Variants in FAM3D observed in about 807,000 individuals in gnomAD.
The protein encoded by FAM3D is FAM3 metabolism regulating signaling molecule D, also known as protein FAM3D.
In FAM3D, 26 loss-of-function variants were observed where a neutral mutation model predicts 29.8. The observed-to-expected ratio is 0.87, with a 90% confidence interval of 0.64 to 1.21. FAM3D has a LOEUF of 1.21. Among genes scored for constraint, FAM3D ranks in the 50% most tolerant of loss-of-function variants. The pLI, the probability that FAM3D is intolerant of heterozygous loss-of-function variation, is 0.00. For synonymous variants in FAM3D, 115 were observed against 102.3 expected (o/e 1.12, Z -0.75); for missense variants, 253 against 290.9 (o/e 0.87, Z 0.95).
chr3:58,654,680 C>T (rs2066738836), intron 2 of FAM3D, among the ~76,000 whole-genome samples: 1 of 152,112 alleles, frequency 6.6e-6, no homozygotes. Flanking sequence ...CCTCTGACCT[C>T]CCTGTTGGCA....
chr3:58,641,047 G>C (rs1022500896), intron 6 of FAM3D, among the ~76,000 whole-genome samples: 1 of 152,184 alleles, frequency 6.6e-6, no homozygotes, highest in South Asian at 2.1e-4. Flanking sequence ...TGTTGGGGGT[G>C]GGGGTGGCGG....
chr3:58,636,390 AG>A lies in FAM3D; in HGVS notation c.488del (p.Ser163LeufsTer20). The A allele has an allele frequency of 6.2e-7, 1 of 1,614,214 alleles. No homozygotes were observed. Among genetic ancestry groups the A allele is most frequent in the Non-Finnish European group, 8.5e-7 (1 of 1,180,032 alleles). On this transcript the variant is annotated frameshift_variant, in exon 9 of 10. Transcript: ENST00000358781. LOFTEE classifies it high-confidence loss of function. ...KMNDESRKLF[S>X]DLGSSYAKQL... ...GTTTTGCGTAGGAACTCCCCAAGTC[AG>A]AGAAGAGTTTCCTGCTTTCATCGTT...
chr3:58,645,988 C>G (rs1435153398), intron 4 of FAM3D, among the ~76,000 whole-genome samples: 1 of 152,202 alleles, frequency 6.6e-6, no homozygotes, highest in Non-Finnish European at 1.5e-5. Context: ...TCTGAGTCCC[C>G]AGAGGCCCCT....
At chr3:58,650,320 T>G (rs1221115636) in intron 3 of FAM3D, among the ~76,000 whole-genome samples, 2 of 152,172 alleles carry the variant, frequency 1.3e-5, no homozygotes, top group Non-Finnish European at 2.9e-5. Context: ...AGACCCAAGC[T>G]GGGTCAATCA....
chr3:58,666,279 C>G (rs373137133), intron 1 of FAM3D, among the ~76,000 whole-genome samples: 14 of 152,294 alleles, frequency 9.2e-5, no homozygotes, highest in African/African-American at 2.9e-4. Flanking sequence ...GTGCCCATGG[C>G]AGACATAGCT....
intron 3 of FAM3D, 69 bp from the exon 4 acceptor site, chr3:58,649,407 G>A (rs1190011921): frequency 1.3e-6 from 2 of 1,588,232 alleles, no homozygotes; most frequent in Non-Finnish European, 8.6e-7. Context: ...GAGGTTGGGG[G>A]CTGGGGGCTG....
intron 6 of FAM3D, 42 bp downstream of exon 6, chr3:58,643,620 G>T (rs780413521): frequency 1.9e-6 from 3 of 1,602,092 alleles, no homozygotes; most frequent in Middle Eastern, 2.0e-4. Flanking sequence ...TACCCTCCCT[G>T]GTTCTGGGTG....
At chr3:58,665,831 G>A (rs1219282696) in intron 1 of FAM3D, among the ~76,000 whole-genome samples, 1 of 152,228 alleles carries the variant, frequency 6.6e-6, no homozygotes, top group Admixed American at 6.5e-5. Context: ...AGAGCACTTA[G>A]CACATCATAC....
chr3:58,643,038 C>G (rs1368489248), intron 6 of FAM3D, among the ~76,000 whole-genome samples: 2 of 152,238 alleles, frequency 1.3e-5, no homozygotes, highest in Admixed American at 6.5e-5. Flanking sequence ...CCTTAGCTGG[C>G]CATCAGCTCC....
At chr3:58,650,118 C>T (rs776021498) in intron 3 of FAM3D, among the ~76,000 whole-genome samples, 34 of 152,210 alleles carry the variant, frequency 2.2e-4, no homozygotes, top group Non-Finnish European at 4.3e-4. Context: ...GGTTCTACAT[C>T]GTATCTCCCA....
At chr3:58,656,797 C>G (rs1448855397) in intron 1 of FAM3D, among the ~76,000 whole-genome samples, 4 of 152,244 alleles carry the variant, frequency 2.6e-5, no homozygotes, top group African/African-American at 9.6e-5. Context: ...GGGCTCATGC[C>G]TGGCACAGCC....
intron 7 of FAM3D, among the ~76,000 whole-genome samples, chr3:58,639,125 C>T (rs554766067): frequency 2.0e-5 from 3 of 152,142 alleles, no homozygotes; most frequent in East Asian, 1.9e-4. Context: ...TTCATCTTTA[C>T]GCTTTTTTTC....
intron 5 of FAM3D, 128 bp downstream of exon 5, chr3:58,645,381 C>A (rs527539739): frequency 3.2e-6 from 2 of 615,724 alleles, no homozygotes; most frequent in Non-Finnish European, 5.3e-6. Context: ...GCCTCACACA[C>A]CCAGAGTGAA....
chr3:58,662,435 A>C (rs979836153), intron 1 of FAM3D, among the ~76,000 whole-genome samples: 2 of 152,236 alleles, frequency 1.3e-5, no homozygotes, highest in African/African-American at 4.8e-5. Flanking sequence ...AATAACAATC[A>C]CAATAATAAT....
intron 3 of FAM3D, 49 bp from the exon 4 acceptor site, chr3:58,649,387 C>T: frequency 6.2e-7 from 1 of 1,612,204 alleles, no homozygotes; most frequent in Non-Finnish European, 8.5e-7. Context: ...TCGGACCCTC[C>T]TGCAGGATGG....
intron 3 of FAM3D, among the ~76,000 whole-genome samples, chr3:58,650,281 C>T (rs1198485939): frequency 6.6e-6 from 1 of 152,194 alleles, no homozygotes; most frequent in Admixed American, 6.5e-5. Context: ...GTCCCTACCC[C>T]TTGCCTCCAA....
chr3:58,656,098 T>C (rs2066789603), intron 1 of FAM3D, among the ~76,000 whole-genome samples: 1 of 152,142 alleles, frequency 6.6e-6, no homozygotes, highest in Non-Finnish European at 1.5e-5. Context: ...CCTTCCTTCC[T>C]ACCAGCCAGC....
At chr3:58,636,445 C>T (rs2066174734) in intron 8 of FAM3D, 25 bp from the exon 9 acceptor site, 5 of 1,612,926 alleles carry the variant, frequency 3.1e-6, no homozygotes, top group Non-Finnish European at 4.2e-6. Context: ...AGAGGATGGT[C>T]AGGATGCGGG....
At chr3:58,638,358 A>G (rs992108224) in intron 7 of FAM3D, among the ~76,000 whole-genome samples, 4 of 152,232 alleles carry the variant, frequency 2.6e-5, no homozygotes, top group Non-Finnish European at 4.4e-5. Flanking sequence ...ATATGGTGCA[A>G]CTCGAGTGGG....
Sources: allele counts gnomAD v4.1 joint callset (sites outside exome capture counted in the v4.1 genomes callset), GRCh38; gene constraint gnomAD v4.1.1; transcripts MANE v1.5; gene names NCBI Gene and HGNC (gene_info 2026-07-23, HGNC 2026-07-21).